TPCN2: variants seen among roughly 807,000 people sequenced by gnomAD.
The protein encoded by TPCN2 is two pore channel protein 2.
In TPCN2, 92 loss-of-function variants were observed where a neutral mutation model predicts 111.4. That is an observed-to-expected ratio of 0.83 (90% CI 0.70 to 0.98). TPCN2 has a LOEUF of 0.98. Ranked by LOEUF, TPCN2 falls within the 50% of genes least tolerant of loss-of-function variation. The pLI is 0.00. For synonymous variants in TPCN2, 405 were observed against 414.5 expected (o/e 0.98, Z 0.28); for missense variants, 995 against 980.1 (o/e 1.02, Z -0.20).
Position 69,081,440 on chromosome 11 carries a change from A to C in TPCN2, c.1630A>C (p.Thr544Pro). 1 of 1,572,408 alleles carries C rather than the reference A, an allele frequency of 6.4e-7. No homozygotes were observed. Among genetic ancestry groups the C allele is most frequent in the Non-Finnish European group, 8.6e-7 (1 of 1,158,926 alleles). Residue 544 changes from threonine (T) to proline (P), a missense_variant, in exon 18 of 25, where the codon ACC becomes CCC. Thr to Pro is a conservative substitution (Grantham distance 38). Transcript: ENST00000294309. The part of the protein sequence containing the change: ...MVGLLSLWDM[T>P]RMLNMLIVFR... ...GGGCCTGCTGTCGCTGTGGGACATG[A>C]CCCGCATGCTGAACATGCTCATCGT... is the stretch of plus-strand genomic sequence containing the variant.
At chr11:69,075,254 G>A (rs1855704766) in intron 13 of TPCN2, among the ~76,000 whole-genome samples, 1 of 152,184 alleles carries the variant, frequency 6.6e-6, no homozygotes, top group African/African-American at 2.4e-5. Context: ...GACTGTAGAG[G>A]GGAGGCCGTT....
In TPCN2 at chr11:69,067,554, G is replaced by A; in HGVS notation, c.778G>A (p.Glu260Lys). ...ERLTYFQNLP[E>K]SLTSLLVLLT... ...GCTGACCTACTTCCAGAACCTGCCT[G>A]AGTCTCTGACTTCCCTCCTGGTGCT... The change falls in exon 8 of 25, where the codon GAG becomes AAG. Residue 260 changes from glutamate to lysine, a missense_variant. Coordinates refer to ENST00000294309, the MANE Select transcript of TPCN2 (RefSeq NM_139075.4). 6.2e-7 allele frequency: 1 copy of A among 1,614,052 alleles called. No individual in the cohort carries two copies.
chr11:69,075,809 C>CAT (rs1369901615), intron 13 of TPCN2, among the ~76,000 whole-genome samples: 1 of 152,170 alleles, frequency 6.6e-6, no homozygotes, highest in Admixed American at 6.5e-5. Flanking sequence ...GTCTCCTCTT[C>CAT]ATATGAGAAG....
intron 4 of TPCN2, among the ~76,000 whole-genome samples, chr11:69,055,849 G>A (rs1484550674): frequency 6.6e-6 from 1 of 152,250 alleles, no homozygotes; most frequent in Admixed American, 6.5e-5. Context: ...AATAAGTGAG[G>A]CCCAGGTGGT....
At position 69,087,974 on chromosome 11, in the gene TPCN2, C is replaced by T; in HGVS notation, c.*21C>T. On this transcript the variant is annotated 3_prime_UTR_variant, in exon 25 of 25. Coordinates refer to ENST00000294309, the MANE Select transcript of TPCN2 (RefSeq NM_139075.4). The stretch of plus-strand genomic sequence containing the variant: ...GGTGACGTCCGGGCTGCCGTCCCAG[C>T]AGGGGCGGCAGGAGAGAGAGGCTGG... 6.3e-7 allele frequency: 1 copy of T among 1,593,146 alleles called. No individual in the cohort carries two copies. The highest frequency in any genetic ancestry group is 8.5e-7 in the Non-Finnish European group (1 of 1,171,372).
At chr11:69,079,550 T>G in intron 16 of TPCN2, 2 of 371,466 alleles carry the variant, frequency 5.4e-6, no homozygotes, top group East Asian at 4.7e-5. Flanking sequence ...TGAAGAGAAA[T>G]TTGAAAAGGG....
intron 18 of TPCN2, chr11:69,083,354 C>A (rs1224883247): frequency 6.4e-6 from 1 of 156,074 alleles, no homozygotes; most frequent in Non-Finnish European, 1.4e-5. Flanking sequence ...GCTGTGTTGT[C>A]TAGTTTGGAT....
In TPCN2 at chr11:69,078,923, T is replaced by A; in HGVS notation, c.1442T>A (p.Leu481Gln). 2 of 1,614,124 alleles carry A rather than the reference T, an allele frequency of 1.2e-6. No homozygotes were observed. The highest frequency in any genetic ancestry group is 2.2e-5 in the South Asian group (2 of 91,084). The change falls in exon 16 of 25, where the codon CTG (leucine) becomes CAG (glutamine). Residue 481 changes from leucine to glutamine, a missense_variant. Transcript: ENST00000294309. ...ILNCVFIVYY[L>Q]LEMLLKVFAL... ...AACTGCGTCTTCATTGTGTACTACC[T>A]GTTGGAGATGCTGCTCAAGGTCTTT...
chr11:69,078,353 C>T (rs1432076367), intron 13 of TPCN2, 129 bp from the exon 14 acceptor site: 5 of 1,182,990 alleles, frequency 4.2e-6, no homozygotes, highest in Non-Finnish European at 5.9e-6. Flanking sequence ...TTTCCTGTGG[C>T]TGGATAGATA....
rs143503421 is a variant in TPCN2 at position 69,063,501 on chromosome 11, G to A, written c.654-394G>A. On this transcript the variant is annotated intron_variant, in intron 6 of 24. Coordinates refer to ENST00000294309, the MANE Select transcript of TPCN2 (RefSeq NM_139075.4). ...CCAGCCTCGGCTCACCCCTGGTCCC[G>A]ATCCCCTGCCGCCCTCCGCTCTTGC... Among the ~76,000 whole-genome samples, 606 of 152,082 alleles carry A rather than the reference G, an allele frequency of 4.0e-3. 6 individuals carry two copies. Among genetic ancestry groups the A allele is most frequent in the Non-Finnish European group, 6.9e-3 (468 of 67,970 alleles).
In TPCN2 at chr11:69,088,098, C is replaced by G; in HGVS notation, c.*145C>G. On this transcript the variant is annotated 3_prime_UTR_variant, in exon 25 of 25. Transcript: ENST00000294309. ...CGGACCACTAAGCTGGGGACAGGAA[C>G]CAAGTCCTTTGCGTGTGGCCCAACA... 1.5e-6 allele frequency: 1 copy of G among 677,268 alleles called. No homozygotes were observed. The highest frequency in any genetic ancestry group is 1.9e-5 in the South Asian group (1 of 51,858). The allele number at this position is 677,268 out of a possible 1,614,324, so 42.0% of individuals were successfully genotyped here.
intron 20 of TPCN2, 139 bp from the exon 21 acceptor site, chr11:69,085,532 T>C (rs995282613): frequency 1.4e-6 from 1 of 729,288 alleles, no homozygotes. Flanking sequence ...AGCAGCACTT[T>C]CCCTGCCCTC....
At chr11:69,067,843 A>G (rs867865237) in intron 8 of TPCN2, among the ~76,000 whole-genome samples, 1 of 149,058 alleles carries the variant, frequency 6.7e-6, no homozygotes, top group Admixed American at 6.7e-5. Context: ...TTTCTGTCTC[A>G]TTCCTTTGCT....
intron 22 of TPCN2, 21 bp downstream of exon 22, chr11:69,085,951 C>T (rs200530111): frequency 1.5e-5 from 24 of 1,608,254 alleles, no homozygotes; most frequent in Middle Eastern, 1.7e-4. Flanking sequence ...GTCTCCCTGA[C>T]GGCAGTGATT....
intron 8 of TPCN2, among the ~76,000 whole-genome samples, chr11:69,068,199 G>A (rs1030762853): frequency 4.6e-5 from 7 of 152,250 alleles, no homozygotes; most frequent in African/African-American, 1.4e-4. Context: ...CCTGGCTGGT[G>A]CCTTTCATCT....
At chr11:69,054,949 A>G in intron 3 of TPCN2, 152 bp downstream of exon 3, 1 of 893,106 alleles carries the variant, frequency 1.1e-6, no homozygotes, top group Non-Finnish European at 1.7e-6. Context: ...TGGAAAGGAG[A>G]CGGCCTGTGA....
In TPCN2 at chr11:69,087,092, C is replaced by T. The variant is rs940129485; in HGVS notation, c.2086-20C>T. 3 of 1,608,222 alleles carry T rather than the reference C, an allele frequency of 1.9e-6. No individual in the cohort carries two copies. Among genetic ancestry groups the T allele is most frequent in the South Asian group, 1.1e-5 (1 of 90,888 alleles). On this transcript the variant is annotated intron_variant, in intron 23 of 24. Transcript: ENST00000294309. ...TTCATTCGGGGCCCACACTCACTGGCCACTCCTCCTGCTTGCCAGAACTTC... is the reference window on the plus strand; with the variant it reads ...TTCATTCGGGGCCCACACTCACTGGTCACTCCTCCTGCTTGCCAGAACTTC...
At chr11:69,058,239 C>T (rs935083816) in intron 5 of TPCN2, among the ~76,000 whole-genome samples, 2 of 152,112 alleles carry the variant, frequency 1.3e-5, no homozygotes, top group Admixed American at 6.5e-5. Flanking sequence ...TGGGGTCTGT[C>T]GGGAAGCAGA....
chr11:69,058,232 G>A (rs1854861430), intron 5 of TPCN2, among the ~76,000 whole-genome samples: 1 of 152,214 alleles, frequency 6.6e-6, no homozygotes, highest in Non-Finnish European at 1.5e-5. Flanking sequence ...AATCCACTGG[G>A]GTCTGTCGGG....
Sources: gnomAD v4.1 joint callset for allele counts (sites outside exome capture counted in the v4.1 genomes callset) on GRCh38, gnomAD v4.1.1 for gene constraint, MANE v1.5 for transcripts, NCBI Gene and HGNC (gene_info 2026-07-23, HGNC 2026-07-21) for gene names.